The following STIM1 variants were observed in gnomAD, a reference collection of about 807,000 sequenced individuals.
The protein encoded by STIM1 is stromal interaction molecule 1.
A neutral mutation model predicts 74.7 loss-of-function variants in STIM1; 25 were observed. The ratio of observed to expected loss-of-function variants is 0.33; its 90% CI spans 0.24 to 0.47. STIM1 has a LOEUF of 0.47. Among genes scored for constraint, STIM1 ranks in the 20% least tolerant of loss-of-function variants. STIM1 has a pLI of 1.00. For synonymous variants in STIM1, 328 were observed against 348.8 expected, an observed-to-expected ratio of 0.94 and a Z score of 0.66; for missense variants, 728 against 920.8, an observed-to-expected ratio of 0.79 and a Z score of 2.71.
intron 2 of STIM1, among the ~76,000 whole-genome samples, chr11:3,978,038 C>A (rs902122273): frequency 6.6e-6 from 1 of 152,012 alleles, no homozygotes; most frequent in Non-Finnish European, 1.5e-5. Context: ...GTTCTGTTTT[C>A]GCTTAAGTGG....
intron 2 of STIM1, among the ~76,000 whole-genome samples, chr11:4,006,602 C>T (rs1178750261): frequency 5.3e-5 from 8 of 152,144 alleles, no homozygotes; most frequent in East Asian, 1.9e-4. Context: ...TTAGTAGAGA[C>T]GGGATTTGAC....
chr11:4,050,952 C>T (rs2094234965), intron 3 of STIM1, among the ~76,000 whole-genome samples: 1 of 152,042 alleles, frequency 6.6e-6, no homozygotes, highest in African/African-American at 2.4e-5. Context: ...TTTTCATCCT[C>T]ATCTTCACAT....
rs1003427492 is a variant in STIM1, at chr11:3,916,348, G to T, written c.140-51204G>T. Among the ~76,000 whole-genome samples the T allele has an allele frequency of 5.3e-5, 8 of 151,784 alleles. No homozygotes were observed. In the South Asian group the frequency reaches 8.3e-4, roughly 16 times the overall value. On this transcript the variant is annotated intron_variant, in intron 1 of 12. Coordinates refer to ENST00000526596, the MANE Select transcript of STIM1 (RefSeq NM_001382567.1). ...GTTGCCCAGGCTGGAGTGCAGTGGC[G>T]TGATCTTGGCTCACTGCCAACCTCT... is the stretch of plus-strand genomic sequence containing the variant.
chr11:4,048,728 A>G (rs187549101), intron 3 of STIM1, among the ~76,000 whole-genome samples: 48 of 151,822 alleles, frequency 3.2e-4, no homozygotes, highest in African/African-American at 1.1e-3. Context: ...AAAAATTATT[A>G]TTATTATTAT....
intron 1 of STIM1, among the ~76,000 whole-genome samples, chr11:3,964,917 G>A (rs2093325542): frequency 6.6e-6 from 1 of 152,038 alleles, no homozygotes; most frequent in African/African-American, 2.4e-5. Context: ...TAAAGACAGG[G>A]TTTCACCATG....
chr11:3,948,246 G>T (rs1326955956), intron 1 of STIM1, among the ~76,000 whole-genome samples: 1 of 151,960 alleles, frequency 6.6e-6, no homozygotes, highest in East Asian at 1.9e-4. Context: ...ATAATTCTAG[G>T]TACCTATCTA....
At chr11:4,014,015 G>T (rs1396141312) in intron 2 of STIM1, among the ~76,000 whole-genome samples, 2 of 151,746 alleles carry the variant, frequency 1.3e-5, no homozygotes, top group African/African-American at 4.8e-5. Flanking sequence ...CTGATTCATT[G>T]ATTTTTTGAA....
At chr11:3,983,991 C>A (rs188217605) in intron 2 of STIM1, among the ~76,000 whole-genome samples, 1 of 151,946 alleles carries the variant, frequency 6.6e-6, no homozygotes, top group South Asian at 2.1e-4. Context: ...CTCAGCCTCG[C>A]GAGTAGCTGG....
At chr11:4,000,562 C>T (rs2093705640) in intron 2 of STIM1, among the ~76,000 whole-genome samples, 1 of 151,560 alleles carries the variant, frequency 6.6e-6, no homozygotes, top group Non-Finnish European at 1.5e-5. Flanking sequence ...ACAGAAAGGA[C>T]ATCCACACCA....
At chr11:3,871,597 G>T (rs1270180037) in intron 1 of STIM1, among the ~76,000 whole-genome samples, 1 of 152,130 alleles carries the variant, frequency 6.6e-6, no homozygotes, top group East Asian at 1.9e-4. Context: ...AAAACAACTG[G>T]TTACTATTTT....
At chr11:3,990,121 A>T (rs1436869498) in intron 2 of STIM1, among the ~76,000 whole-genome samples, 2 of 152,218 alleles carry the variant, frequency 1.3e-5, no homozygotes, top group African/African-American at 4.8e-5. Flanking sequence ...TATTACGGAC[A>T]TTTCATGTAA....
intron 1 of STIM1, among the ~76,000 whole-genome samples, chr11:3,895,621 T>C (rs1210059864): frequency 3.7e-4 from 1 of 2,696 alleles, no homozygotes; most frequent in Non-Finnish European, 9.5e-4. Flanking sequence ...TTTCTTTCTT[T>C]CTTTCTTTCT....
chr11:3,902,050 G>C (rs1290284978), intron 1 of STIM1, among the ~76,000 whole-genome samples: 1 of 152,236 alleles, frequency 6.6e-6, no homozygotes, highest in African/African-American at 2.4e-5. Flanking sequence ...TTACAGGCAT[G>C]AGCCAATGTG....
In STIM1 at chr11:3,945,468, G is replaced by A. The variant is rs561030924; in HGVS notation, c.140-22084G>A. ...AAGAAAATTAGCTGGACATGGTGGT[G>A]CACACCTGTAATTCCAGCTACTCGG... On this transcript the variant is annotated intron_variant, in intron 1 of 12. Transcript: ENST00000526596. Among the ~76,000 whole-genome samples, 13 of 152,130 alleles carry A rather than the reference G, an allele frequency of 8.5e-5. No individual in the cohort carries two copies. The South Asian group carries it at 2.7e-3, about 32-fold the overall frequency.
At chr11:3,991,558 C>A (rs1002531871) in intron 2 of STIM1, among the ~76,000 whole-genome samples, 2 of 152,032 alleles carry the variant, frequency 1.3e-5, no homozygotes, top group Non-Finnish European at 2.9e-5. Flanking sequence ...GTGCACATGT[C>A]TTTTTAGTAG....
chr11:3,999,328 T>G (rs1410319803), intron 2 of STIM1, among the ~76,000 whole-genome samples: 1 of 152,206 alleles, frequency 6.6e-6, no homozygotes, highest in Non-Finnish European at 1.5e-5. Flanking sequence ...GGAGACTCAG[T>G]CTCAAAACCA....
chr11:3,920,785 T>C (rs529164811), intron 1 of STIM1, among the ~76,000 whole-genome samples: 11 of 151,930 alleles, frequency 7.2e-5, no homozygotes, highest in Admixed American at 5.9e-4. Context: ...AAGTATCTTT[T>C]TTTTTTTATT....
At chr11:4,036,498 T>C (rs1435696309) in intron 3 of STIM1, among the ~76,000 whole-genome samples, 1 of 152,226 alleles carries the variant, frequency 6.6e-6, no homozygotes, top group Non-Finnish European at 1.5e-5. Context: ...CCTTTTTCTC[T>C]GCAACCTTGC....
At chr11:4,046,059 C>CTTTTTTT (rs35783768) in intron 3 of STIM1, among the ~76,000 whole-genome samples, 10 of 59,072 alleles carry the variant, frequency 1.7e-4, no homozygotes, top group Non-Finnish European at 2.4e-4. Context: ...CGTGAGCTAC[C>CTTTTTTT]TTTTTTTTTT....
Sources: gnomAD v4.1 joint callset for allele counts (sites outside exome capture counted in the v4.1 genomes callset) on GRCh38, gnomAD v4.1.1 for gene constraint, MANE v1.5 for transcripts, NCBI Gene and HGNC (gene_info 2026-07-23, HGNC 2026-07-21) for gene names.